CFAP90: variants seen among roughly 807,000 people sequenced by gnomAD.
CFAP90 encodes the protein cilia and flagella associated protein 90.
chr5:7,841,195 T>C, the CFAP90 span, among the ~76,000 whole-genome samples: 1 of 151,982 alleles, frequency 6.6e-6, no homozygotes, highest in Non-Finnish European at 1.5e-5. Flanking sequence ...CACTTCTCAA[T>C]AGACACACAT....
the CFAP90 span, among the ~76,000 whole-genome samples, chr5:7,838,255 A>G: frequency 6.6e-6 from 1 of 152,250 alleles, no homozygotes; most frequent in African/African-American, 2.4e-5. Flanking sequence ...AAACAATAGG[A>G]AAAATGTCAG....
the CFAP90 span, among the ~76,000 whole-genome samples, chr5:7,832,288 G>A: frequency 2.0e-5 from 3 of 152,044 alleles, no homozygotes; most frequent in East Asian, 1.9e-4. Flanking sequence ...TGCTCTACCC[G>A]TTTGTCCCTG....
the CFAP90 span, among the ~76,000 whole-genome samples, chr5:7,850,211 A>T: frequency 6.6e-6 from 1 of 151,932 alleles, no homozygotes; most frequent in African/African-American, 2.4e-5. Flanking sequence ...TTTGGGGCCC[A>T]GGCGCCTTGG....
At chr5:7,845,713 A>G in the CFAP90 span, among the ~76,000 whole-genome samples, 39 of 152,304 alleles carry the variant, frequency 2.6e-4, no homozygotes, top group Admixed American at 2.0e-4. Context: ...TTGCTGCCGC[A>G]GGAACCATAT....
the CFAP90 span, among the ~76,000 whole-genome samples, chr5:7,846,693 C>G: frequency 2.0e-5 from 3 of 152,262 alleles, no homozygotes; most frequent in African/African-American, 7.2e-5. Context: ...AGAACTAATT[C>G]TGTACTGTTT....
the CFAP90 span, among the ~76,000 whole-genome samples, chr5:7,838,047 A>G: frequency 1.3e-5 from 2 of 152,212 alleles, no homozygotes; most frequent in African/African-American, 4.8e-5. Context: ...CCTGATGGCA[A>G]CCTACCCTAT....
the CFAP90 span, among the ~76,000 whole-genome samples, chr5:7,834,667 CTT>C: frequency 3.9e-5 from 6 of 152,070 alleles, no homozygotes; most frequent in Non-Finnish European, 7.4e-5. Context: ...TCATTTTTAT[CTT>C]TTATACTATA....
the CFAP90 span, chr5:7,831,581 C>T: frequency 2.9e-6 from 1 of 344,556 alleles, no homozygotes; most frequent in Middle Eastern, 8.0e-4. Flanking sequence ...TCTCCAGATT[C>T]ATTTGATCAA....
At chr5:7,848,182 A>G in the CFAP90 span, among the ~76,000 whole-genome samples, 2 of 152,150 alleles carry the variant, frequency 1.3e-5, no homozygotes, top group Non-Finnish European at 2.9e-5. Context: ...TGCTCCCAGG[A>G]GGAAAAAAAT....
At chr5:7,834,942 C>A in the CFAP90 span, among the ~76,000 whole-genome samples, 1 of 152,092 alleles carries the variant, frequency 6.6e-6, no homozygotes, top group Non-Finnish European at 1.5e-5. Context: ...TGTACATACA[C>A]CCCGCACCAA....
At chr5:7,831,647 G>A in the CFAP90 span, 1 of 527,610 alleles carries the variant, frequency 1.9e-6, no homozygotes, top group Non-Finnish European at 3.4e-6. Flanking sequence ...TACTAAAGGT[G>A]TTGTTGGTCA....
the CFAP90 span, among the ~76,000 whole-genome samples, chr5:7,848,281 A>G: frequency 6.6e-6 from 1 of 152,080 alleles, no homozygotes; most frequent in African/African-American, 2.4e-5. Context: ...CGAGCCTGGG[A>G]GAACAGGCAA....
At chr5:7,832,352 C>G in the CFAP90 span, among the ~76,000 whole-genome samples, 2 of 152,262 alleles carry the variant, frequency 1.3e-5, no homozygotes, top group South Asian at 2.1e-4. Context: ...TTCCCACCAC[C>G]CAGATCCTGG....
chr5:7,845,776 C>T, the CFAP90 span, among the ~76,000 whole-genome samples: 1 of 151,834 alleles, frequency 6.6e-6, no homozygotes, highest in Non-Finnish European at 1.5e-5. Context: ...GTACAGGAGC[C>T]GATCACATTT....
chr5:7,849,896 C>G, the CFAP90 span, among the ~76,000 whole-genome samples: 1 of 152,148 alleles, frequency 6.6e-6, no homozygotes, highest in South Asian at 2.1e-4. Flanking sequence ...TAGCCTGGGC[C>G]TGCCGCAGAC....
At chr5:7,848,413 G>A in the CFAP90 span, among the ~76,000 whole-genome samples, 1 of 152,178 alleles carries the variant, frequency 6.6e-6, no homozygotes, top group South Asian at 2.1e-4. Flanking sequence ...GCAGGCTGAG[G>A]TTTATGGCTG....
At chr5:7,836,491 G>C in the CFAP90 span, among the ~76,000 whole-genome samples, 39 of 152,220 alleles carry the variant, frequency 2.6e-4, no homozygotes, top group East Asian at 7.3e-3. Context: ...GACATCTCAG[G>C]GTGATTACCC....
chr5:7,834,812 G>A, the CFAP90 span, among the ~76,000 whole-genome samples: 1 of 152,100 alleles, frequency 6.6e-6, no homozygotes. Context: ...TATGGCCTAG[G>A]TGTGGAGTAA....
chr5:7,850,834 GCCCAGC>G, the CFAP90 span: 3 of 695,634 alleles, frequency 4.3e-6, no homozygotes, highest in African/African-American at 2.7e-5. Flanking sequence ...CCGCCCAGCC[GCCCAGC>G]CTTCCGGTCT....
Sources: allele counts gnomAD v4.1 joint callset (sites outside exome capture counted in the v4.1 genomes callset), GRCh38; gene constraint gnomAD v4.1.1; transcripts MANE v1.5; gene names NCBI Gene and HGNC (gene_info 2026-07-23, HGNC 2026-07-21).